C8orf88: variants seen among roughly 807,000 people sequenced by gnomAD.
C8orf88 encodes the protein chromosome 8 open reading frame 88.
A neutral mutation model predicts 18.4 loss-of-function variants in C8orf88; 14 were observed. That is an observed-to-expected ratio of 0.76 (90% CI 0.50 to 1.19). The LOEUF (loss-of-function observed/expected upper bound fraction) is 1.19. Ranked by LOEUF, C8orf88 falls within the 50% of genes most tolerant of loss-of-function variation. The pLI, the probability that C8orf88 is intolerant of heterozygous loss-of-function variation, is 0.00. For missense variants in C8orf88, 116 were observed against 134.7 expected (o/e 0.86, Z 0.69); for synonymous variants, 45 against 42.9 (o/e 1.05, Z -0.19).
At chr8:90,973,693 A>G (rs1013712318) in intron 3 of C8orf88, among the ~76,000 whole-genome samples, 1 of 152,106 alleles carries the variant, frequency 6.6e-6, no homozygotes, top group Non-Finnish European at 1.5e-5. Context: ...TACATTGCCC[A>G]GGCTGGTCTC....
chr8:90,961,505 G>C (rs1185419747), intron 4 of C8orf88, among the ~76,000 whole-genome samples: 2 of 150,914 alleles, frequency 1.3e-5, no homozygotes, highest in Admixed American at 1.3e-4. Context: ...TCCAGTGGGG[G>C]GGAAAAAACC....
At chr8:90,968,018 A>G (rs550656766) in intron 4 of C8orf88, among the ~76,000 whole-genome samples, 1 of 151,918 alleles carries the variant, frequency 6.6e-6, no homozygotes, top group East Asian at 1.9e-4. Context: ...TATAAATTCA[A>G]CGCTATCCCT....
chr8:90,978,425 G>A (rs1702115123), intron 3 of C8orf88, among the ~76,000 whole-genome samples, 154 bp downstream of exon 3: 1 of 152,106 alleles, frequency 6.6e-6, no homozygotes, highest in Admixed American at 6.6e-5. Flanking sequence ...TAAAAATGCT[G>A]GGTGACAGAT....
intron 3 of C8orf88, among the ~76,000 whole-genome samples, chr8:90,978,263 T>C (rs1811380452): frequency 6.6e-6 from 1 of 152,112 alleles, no homozygotes; most frequent in Admixed American, 6.5e-5. Context: ...AGTACAAATA[T>C]ATTCATGGAA....
At chr8:90,981,307 A>C (rs1563556235) in intron 1 of C8orf88, among the ~76,000 whole-genome samples, 1 of 152,116 alleles carries the variant, frequency 6.6e-6, no homozygotes, top group Non-Finnish European at 1.5e-5. Context: ...ATCAGTCTTT[A>C]ATTTCTGTTC....
chr8:90,983,451 T>C (rs908993980), intron 1 of C8orf88, among the ~76,000 whole-genome samples: 4 of 152,150 alleles, frequency 2.6e-5, no homozygotes, highest in Non-Finnish European at 5.9e-5. Context: ...ATACTAACTA[T>C]ATCTTAGGTT....
At chr8:90,961,817 T>C (rs1811132658) in intron 4 of C8orf88, among the ~76,000 whole-genome samples, 1 of 151,550 alleles carries the variant, frequency 6.6e-6, no homozygotes, top group South Asian at 2.1e-4. Flanking sequence ...CAATACATTT[T>C]TATTTATAAA....
chr8:90,963,495 G>C (rs1399977154), intron 4 of C8orf88, among the ~76,000 whole-genome samples: 2 of 151,718 alleles, frequency 1.3e-5, no homozygotes, highest in Non-Finnish European at 3.0e-5. Flanking sequence ...TTTCAGTAAG[G>C]AAGCCAAGAC....
At chr8:90,977,862 G>A (rs1039334974) in intron 3 of C8orf88, among the ~76,000 whole-genome samples, 1 of 152,078 alleles carries the variant, frequency 6.6e-6, no homozygotes, top group Non-Finnish European at 1.5e-5. Context: ...CAGGAGAATC[G>A]CTTGACCCCT....
At chr8:90,975,915 G>C (rs539849447) in intron 3 of C8orf88, among the ~76,000 whole-genome samples, 20 of 140,378 alleles carry the variant, frequency 1.4e-4, no homozygotes, top group Non-Finnish European at 2.7e-4. Context: ...ATTTAAAGTA[G>C]GACACTATTC....
chr8:90,979,684 A>C (rs967168945), intron 2 of C8orf88, among the ~76,000 whole-genome samples: 1 of 152,216 alleles, frequency 6.6e-6, no homozygotes, highest in African/African-American at 2.4e-5. Context: ...AAAAAGTTTA[A>C]AAAGTTATAT....
intron 4 of C8orf88, among the ~76,000 whole-genome samples, chr8:90,966,075 G>A (rs970033941): frequency 6.6e-6 from 1 of 151,486 alleles, no homozygotes; most frequent in Non-Finnish European, 1.5e-5. Flanking sequence ...GAGAAAATCA[G>A]CAAAATCAAA....
upstream of C8orf88, chr8:90,985,358 C>G (rs1261731813): frequency 6.6e-6 from 1 of 151,566 alleles, no homozygotes; most frequent in South Asian, 2.0e-4. Flanking sequence ...CGCTGAGCCT[C>G]GAGAGCAGCC....
intron 3 of C8orf88, among the ~76,000 whole-genome samples, chr8:90,971,616 A>C (rs965381891): frequency 1.3e-5 from 2 of 152,072 alleles, no homozygotes; most frequent in Non-Finnish European, 2.9e-5. Context: ...GAGAAATAAG[A>C]AAAATTGATG....
chr8:90,966,630 T>G (rs985687830), intron 4 of C8orf88, among the ~76,000 whole-genome samples: 1 of 151,024 alleles, frequency 6.6e-6, no homozygotes, highest in Non-Finnish European at 1.5e-5. Context: ...CAAGACTGAT[T>G]AGGAAAAAAA....
At chr8:90,974,027 A>T (rs996463114) in intron 3 of C8orf88, among the ~76,000 whole-genome samples, 2 of 152,140 alleles carry the variant, frequency 1.3e-5, no homozygotes, top group African/African-American at 2.4e-5. Context: ...ACAATTTTTT[A>T]AAAAATAAAA....
intron 3 of C8orf88, among the ~76,000 whole-genome samples, chr8:90,973,259 C>A (rs2130315296): frequency 6.6e-6 from 1 of 152,022 alleles, no homozygotes; most frequent in East Asian, 1.9e-4. Context: ...CTTGAAGGAT[C>A]AGTAGGAGTT....
chr8:90,962,394 T>C (rs962133738), intron 4 of C8orf88, among the ~76,000 whole-genome samples: 1 of 151,366 alleles, frequency 6.6e-6, no homozygotes, highest in Admixed American at 6.6e-5. Flanking sequence ...TCAGGGAAAA[T>C]AGCCAAGTAG....
At chr8:90,973,655 A>G (rs908670216) in intron 3 of C8orf88, among the ~76,000 whole-genome samples, 4 of 152,002 alleles carry the variant, frequency 2.6e-5, no homozygotes, top group African/African-American at 9.7e-5. Flanking sequence ...GCTACTTTTC[A>G]AAAGTTTTTG....
Sources: allele counts gnomAD v4.1 joint callset (sites outside exome capture counted in the v4.1 genomes callset), GRCh38; gene constraint gnomAD v4.1.1; transcripts MANE v1.5; gene names NCBI Gene and HGNC (gene_info 2026-07-23, HGNC 2026-07-21).